The following EYS variants were observed in gnomAD, a reference collection of about 807,000 sequenced individuals.
The protein encoded by EYS is EGF-like photoreceptor maintenance factor.
In EYS, 250 loss-of-function variants were observed where a neutral mutation model predicts 282.1. The ratio of observed to expected loss-of-function variants is 0.89; its 90% CI spans 0.80 to 0.98. The LOEUF is 0.98. Among genes scored for constraint, EYS ranks in the 50% least tolerant of loss-of-function variants. The pLI is 0.00. For synonymous variants in EYS, 1,355 were observed against 1,282.9 expected, an observed-to-expected ratio of 1.06 and a Z score of -1.20; for missense variants, 4,016 against 3,709.0, an observed-to-expected ratio of 1.08 and a Z score of -2.15.
In EYS at chr6:64,822,639, A is replaced by AG. The variant is rs745862028; in HGVS notation, c.3164+11_3164+12insC. On this transcript the variant is annotated intron_variant, in intron 20 of 42. Coordinates refer to ENST00000503581, the MANE Select transcript of EYS (RefSeq NM_001142800.2). Reference sequence around the variant, plus strand: ...ATACTTTCATAAAGCTAATAATAAAAAAAATAGCTACCTTCCATGTAGACA... The same window carrying AG: ...ATACTTTCATAAAGCTAATAATAAAAGAAAATAGCTACCTTCCATGTAGACA... 27 of 1,515,414 alleles carry AG rather than the reference A, an allele frequency of 1.8e-5. No individual in the cohort carries two copies. The African/African-American group carries it at 3.7e-4, about 21-fold the overall frequency. 93.9% of individuals were successfully genotyped at this position (1,515,414 alleles called of 1,614,324 possible).
chr6:65,613,034 A>G (rs1228192336), intron 2 of EYS, among the ~76,000 whole-genome samples: 1 of 151,756 alleles, frequency 6.6e-6, no homozygotes, highest in Non-Finnish European at 1.5e-5. Context: ...TTTTCTAACC[A>G]CCCCAGAAGT....
At chr6:63,796,016 A>T (rs1770636313) in intron 37 of EYS, among the ~76,000 whole-genome samples, 1 of 152,188 alleles carries the variant, frequency 6.6e-6, no homozygotes, top group African/African-American at 2.4e-5. Flanking sequence ...CCTGGACAAG[A>T]GTAGCTAGTG....
intron 35 of EYS, among the ~76,000 whole-genome samples, chr6:63,911,551 T>C (rs897437296): frequency 6.6e-6 from 1 of 152,240 alleles, no homozygotes; most frequent in African/African-American, 2.4e-5. Context: ...GTTTATTTAA[T>C]ATTTTACATC....
intron 37 of EYS, among the ~76,000 whole-genome samples, chr6:63,798,989 A>ATATATATATATATATATG (rs1770714598): frequency 2.8e-5 from 3 of 105,554 alleles, no homozygotes; most frequent in African/African-American, 1.3e-4. Context: ...ATATGTGTGT[A>ATATATATATATATATATG]TATATATATA....
At chr6:64,439,062 A>G (rs1226475910) in intron 27 of EYS, 100 bp downstream of exon 27, 2 of 620,532 alleles carry the variant, frequency 3.2e-6, no homozygotes, top group Non-Finnish European at 5.2e-6. Context: ...AGTATAATAT[A>G]TAGAGTTAAG....
intron 41 of EYS, among the ~76,000 whole-genome samples, chr6:63,743,021 T>C (rs1028599786): frequency 3.3e-5 from 5 of 152,218 alleles, no homozygotes; most frequent in Admixed American, 3.3e-4. Context: ...ATGGTTAATG[T>C]ATGTTTTGTT....
intron 35 of EYS, among the ~76,000 whole-genome samples, chr6:63,890,625 T>G (rs1306618264): frequency 6.6e-6 from 1 of 152,168 alleles, no homozygotes; most frequent in East Asian, 1.9e-4. Flanking sequence ...TAGCACTAAA[T>G]GCCCACAGGA....
At chr6:64,596,492 G>A (rs1171229464) in intron 24 of EYS, among the ~76,000 whole-genome samples, 1 of 152,128 alleles carries the variant, frequency 6.6e-6, no homozygotes, top group Non-Finnish European at 1.5e-5. Flanking sequence ...ACTTAAAGCA[G>A]CATGGCATTG....
At chr6:63,954,446 T>G (rs1354711109) in intron 35 of EYS, among the ~76,000 whole-genome samples, 1 of 152,178 alleles carries the variant, frequency 6.6e-6, no homozygotes, top group Non-Finnish European at 1.5e-5. Flanking sequence ...TTCCATATCC[T>G]GCACCACCAT....
At chr6:65,677,023 A>C (rs1043704608) in intron 1 of EYS, among the ~76,000 whole-genome samples, 6 of 151,260 alleles carry the variant, frequency 4.0e-5, no homozygotes, top group Non-Finnish European at 7.4e-5. Flanking sequence ...AAAAAAATTA[A>C]AAAAACTAGA....
intron 13 of EYS, among the ~76,000 whole-genome samples, chr6:65,044,980 T>TAGAA (rs1308195038): frequency 1.3e-5 from 2 of 151,808 alleles, no homozygotes; most frequent in African/African-American, 4.8e-5. Context: ...TGAAAAGCAA[T>TAGAA]AGAAATACAC....
intron 12 of EYS, among the ~76,000 whole-genome samples, chr6:65,107,832 G>T (rs1775088197): frequency 6.6e-6 from 1 of 151,840 alleles, no homozygotes; most frequent in African/African-American, 2.4e-5. Context: ...GGTTGCCCTA[G>T]ATATTATGAT....
At chr6:65,652,102 T>C (rs367618354) in intron 1 of EYS, among the ~76,000 whole-genome samples, 14 of 151,942 alleles carry the variant, frequency 9.2e-5, no homozygotes, top group African/African-American at 3.4e-4. Flanking sequence ...ACTATAAAAA[T>C]GTGTAGCTCA....
intron 39 of EYS, among the ~76,000 whole-genome samples, chr6:63,785,736 C>T (rs115654856): frequency 0.012 from 1,860 of 152,130 alleles, 39 homozygotes; most frequent in African/African-American, 0.043. Flanking sequence ...CGGCTGGGCA[C>T]GGTGGCTCAA....
At position 63,921,148 on chromosome 6, in the gene EYS, G is replaced by A. The variant is rs1323674287; in HGVS notation, c.7056-56790C>T. ...CTTGACCTCGTGATCTGCCCGCCTC[G>A]GCATCCCAAAGTGCTGGGATTACAG... On this transcript the variant is annotated intron_variant, in intron 35 of 42. Coordinates refer to ENST00000503581, the MANE Select transcript of EYS (RefSeq NM_001142800.2). Among the ~76,000 whole-genome samples, 7 of 152,216 alleles carry A rather than the reference G, an allele frequency of 4.6e-5. No homozygotes were observed. In the East Asian group the frequency reaches 1.4e-3, roughly 29 times the overall value.
chr6:64,845,710 A>C (rs535132418), intron 19 of EYS, among the ~76,000 whole-genome samples: 1 of 152,140 alleles, frequency 6.6e-6, no homozygotes, highest in African/African-American at 2.4e-5. Context: ...ACTTACTTGA[A>C]ATCCCATATG....
chr6:64,456,351 C>T (rs1382983928), intron 26 of EYS, among the ~76,000 whole-genome samples: 4 of 151,984 alleles, frequency 2.6e-5, no homozygotes, highest in Admixed American at 2.0e-4. Context: ...TTCACTTCTC[C>T]ACTTTCCTTA....
intron 1 of EYS, among the ~76,000 whole-genome samples, chr6:65,679,181 G>T (rs1768732589): frequency 6.6e-6 from 1 of 151,874 alleles, no homozygotes; most frequent in Non-Finnish European, 1.5e-5. Context: ...CTGAAAGCAG[G>T]ATCTTGGAGA....
chr6:65,544,619 C>T (rs1332771550), intron 2 of EYS, among the ~76,000 whole-genome samples: 1 of 152,190 alleles, frequency 6.6e-6, no homozygotes, highest in Non-Finnish European at 1.5e-5. Context: ...CCCTGAAGAA[C>T]TGTGACACAA....
Sources: allele counts gnomAD v4.1 joint callset (sites outside exome capture counted in the v4.1 genomes callset), GRCh38; gene constraint gnomAD v4.1.1; transcripts MANE v1.5; gene names NCBI Gene and HGNC (gene_info 2026-07-23, HGNC 2026-07-21).